ANK3: variants seen among roughly 807,000 people sequenced by gnomAD.
ANK3 encodes the protein ankyrin-3.
Under a neutral mutation model 370.9 loss-of-function variants are expected in ANK3, and 57 were observed. That is an observed-to-expected ratio of 0.15 (90% confidence interval 0.12 to 0.19). The LOEUF is 0.19. ANK3 is among the 10% of genes least tolerant of loss of function. ANK3 has a pLI of 1.00. For missense variants in ANK3, 4,439 were observed against 5,302.1 expected, an observed-to-expected ratio of 0.84 and a Z score of 5.06; for synonymous variants, 1,929 against 1,946.3, an observed-to-expected ratio of 0.99 and a Z score of 0.23.
rs117164402 is a variant in ANK3 at position 60,169,647 on chromosome 10, C to T, written c.2478+2661G>A. Among the ~76,000 whole-genome samples, 815 of 152,092 alleles carry T rather than the reference C, an allele frequency of 5.4e-3. 17 individuals carry two copies. Among genetic ancestry groups the T allele is most frequent in the Admixed American group, 0.044 (679 of 15,270 alleles). ...AGCAGTGGGGAATTATGTTCCACTT[C>T]GAGAGTGAAGTATTTTCATACATTA... is the stretch of plus-strand genomic sequence containing the variant. On this transcript the variant is annotated intron_variant, in intron 21 of 43. Coordinates refer to ENST00000280772, the MANE Select transcript of ANK3 (RefSeq NM_020987.5).
intron 1 of ANK3, among the ~76,000 whole-genome samples, chr10:60,336,966 TG>T (rs2053115594): frequency 6.6e-6 from 1 of 151,956 alleles, no homozygotes; most frequent in African/African-American, 2.4e-5. Flanking sequence ...CCTGGCCTCT[TG>T]GTTTTCAGGC....
chr10:60,297,933 A>C (rs557437192), intron 1 of ANK3, among the ~76,000 whole-genome samples: 1 of 152,284 alleles, frequency 6.6e-6, no homozygotes, highest in South Asian at 2.1e-4. Flanking sequence ...TCTTAAGTGA[A>C]AATCAACAAT....
chr10:60,418,156 GC>G (rs2063707488), intron 2 of ANK3, among the ~76,000 whole-genome samples: 1 of 152,120 alleles, frequency 6.6e-6, no homozygotes, highest in Non-Finnish European at 1.5e-5. Flanking sequence ...TACCTCTAAT[GC>G]CGGCCTCCTG....
intron 1 of ANK3, among the ~76,000 whole-genome samples, chr10:60,703,930 G>A (rs943068922): frequency 6.6e-6 from 1 of 152,100 alleles, no homozygotes; most frequent in African/African-American, 2.4e-5. Context: ...CCTTAACACC[G>A]GCTTTTGATC....
At chr10:60,513,004 A>T (rs1487401469) in intron 2 of ANK3, among the ~76,000 whole-genome samples, 1 of 152,142 alleles carries the variant, frequency 6.6e-6, no homozygotes, top group African/African-American at 2.4e-5. Context: ...GAACAACTTT[A>T]ATGTTAAAAA....
intron 1 of ANK3, among the ~76,000 whole-genome samples, chr10:60,681,210 C>T (rs1008764991): frequency 1.4e-4 from 22 of 152,116 alleles, no homozygotes; most frequent in African/African-American, 5.3e-4. Context: ...CAAATCTTGA[C>T]CTCCTCCCAC....
intron 2 of ANK3, among the ~76,000 whole-genome samples, chr10:60,448,214 T>C (rs1269812683): frequency 6.6e-6 from 1 of 152,092 alleles, no homozygotes; most frequent in Admixed American, 6.6e-5. Flanking sequence ...GACTGCAAAA[T>C]TGGGGAGATT....
intron 14 of ANK3, among the ~76,000 whole-genome samples, chr10:60,197,588 G>A (rs2096607209): frequency 6.6e-6 from 1 of 152,180 alleles, no homozygotes; most frequent in African/African-American, 2.4e-5. Context: ...CACAAGAAAT[G>A]AAATTTGAGG....
intron 1 of ANK3, among the ~76,000 whole-genome samples, chr10:60,629,008 TTTG>T (rs899124236): frequency 9.2e-5 from 14 of 152,236 alleles, no homozygotes; most frequent in African/African-American, 2.6e-4. Flanking sequence ...TCTCTGCTTT[TTTG>T]TTGTTGTTGT....
intron 1 of ANK3, among the ~76,000 whole-genome samples, chr10:60,714,264 A>G (rs1033762748): frequency 5.3e-5 from 8 of 152,222 alleles, no homozygotes; most frequent in African/African-American, 1.9e-4. Flanking sequence ...TAACCTTCAC[A>G]AATGGAAAGC....
upstream of ANK3, among the ~76,000 whole-genome samples, chr10:60,394,203 G>A (rs1025810070): frequency 2.0e-5 from 3 of 149,574 alleles, no homozygotes; most frequent in Non-Finnish European, 4.4e-5. Flanking sequence ...TTTGGAACAA[G>A]GTGAAGGAAA....
At chr10:60,444,765 T>C (rs1038784523) in intron 2 of ANK3, among the ~76,000 whole-genome samples, 8 of 152,192 alleles carry the variant, frequency 5.3e-5, no homozygotes, top group African/African-American at 1.7e-4. Flanking sequence ...TAATTTAATG[T>C]ACAGTTTTGA....
intron 1 of ANK3, among the ~76,000 whole-genome samples, chr10:60,294,018 C>T (rs2042011678): frequency 6.6e-6 from 1 of 152,148 alleles, no homozygotes; most frequent in Non-Finnish European, 1.5e-5. Flanking sequence ...ATGTAGGAGG[C>T]ATTGGCATGA....
chr10:60,681,692 A>G (rs2079197465), intron 1 of ANK3, among the ~76,000 whole-genome samples: 1 of 152,208 alleles, frequency 6.6e-6, no homozygotes, highest in Non-Finnish European at 1.5e-5. Context: ...AAAGACAGAG[A>G]CAAGAACTGT....
chr10:60,500,870 T>C (rs2075778270), intron 2 of ANK3, among the ~76,000 whole-genome samples: 1 of 152,174 alleles, frequency 6.6e-6, no homozygotes, highest in African/African-American at 2.4e-5. Flanking sequence ...ACATACATAA[T>C]ATCATATTTC....
chr10:60,413,777 T>C (rs1384499973), intron 2 of ANK3, among the ~76,000 whole-genome samples: 1 of 152,146 alleles, frequency 6.6e-6, no homozygotes, highest in Non-Finnish European at 1.5e-5. Flanking sequence ...GGTGGATCAC[T>C]TGAGCCTAGG....
chr10:60,548,520 G>A (rs1228388191), intron 2 of ANK3, among the ~76,000 whole-genome samples: 3 of 151,902 alleles, frequency 2.0e-5, no homozygotes, highest in Non-Finnish European at 2.9e-5. Flanking sequence ...AAAGTGTTGG[G>A]ATAACAGGCA....
Position 60,138,675 on chromosome 10 carries a change from T to G in ANK3, c.2738+289A>C, listed in dbSNP as rs2094449012. On this transcript the variant is annotated intron_variant, in intron 24 of 43. Transcript: ENST00000280772. ...TGAAATATGTGACTCAGATTGGTTC[T>G]CCCAGTTTTGTCAGTGAGCTCTTTT... 5 of 484,868 alleles carry G rather than the reference T, an allele frequency of 1.0e-5. No individual in the cohort carries two copies. The South Asian group carries it at 1.6e-4, about 16-fold the overall frequency. 30.0% of individuals were successfully genotyped at this position (484,868 alleles called of 1,614,324 possible).
rs368582853 is a variant in ANK3, at chr10:60,700,802, G to A, written c.57+32461C>T. Among the ~76,000 whole-genome samples the A allele has an allele frequency of 4.3e-4, 65 of 152,166 alleles. 1 individual carries two copies. The South Asian group carries it at 0.013, about 31-fold the overall frequency. On this transcript the variant is annotated intron_variant, in intron 1 of 43. Transcript: ENST00000373827. ...TAAGATAAATTCAAAATGAATCAGA[G>A]ATTTAAATGTAAATATGGAAGCCAT...
Sources: gnomAD v4.1 joint callset for allele counts (sites outside exome capture counted in the v4.1 genomes callset) on GRCh38, gnomAD v4.1.1 for gene constraint, MANE v1.5 for transcripts, NCBI Gene and HGNC (gene_info 2026-07-23, HGNC 2026-07-21) for gene names.